The following SNAP47 variants were observed in gnomAD, a reference collection of about 807,000 sequenced individuals.
The protein encoded by SNAP47 is synaptosomal-associated protein 47.
Under a neutral mutation model 31.4 loss-of-function variants are expected in SNAP47, and 20 were observed. The ratio of observed to expected loss-of-function variants is 0.64; its 90% CI spans 0.45 to 0.93. SNAP47 has a LOEUF of 0.93. SNAP47 is among the 40% of genes least tolerant of loss of function. SNAP47 has a pLI of 0.00. For synonymous variants in SNAP47, 194 were observed against 213.4 expected, an observed-to-expected ratio of 0.91 and a Z score of 0.79; for missense variants, 492 against 528.5, an observed-to-expected ratio of 0.93 and a Z score of 0.68.
At chr1:227,764,593 C>T (rs1299864318) in intron 3 of SNAP47, among the ~76,000 whole-genome samples, 1 of 150,510 alleles carries the variant, frequency 6.6e-6, no homozygotes, top group Non-Finnish European at 1.5e-5. Flanking sequence ...CATATTAAGA[C>T]CCCCGTCTCT....
upstream of SNAP47, chr1:227,733,984 G>C (rs928570981): frequency 1.2e-6 from 2 of 1,613,900 alleles, no homozygotes; most frequent in Non-Finnish European, 1.7e-6. Flanking sequence ...TCAGCCAGTC[G>C]GACGAGAAGT....
rs762098230 is a variant in SNAP47 at position 227,759,059 on chromosome 1, C to G, written c.562C>G (p.Pro188Ala). The change falls in exon 3 of 5, where the codon CCG becomes GCG. Residue 188 changes from proline (P) to alanine (A), a missense_variant. Pro to Ala is a conservative substitution (Grantham distance 27, BLOSUM62 -1). Transcript: ENST00000617596. The stretch of plus-strand genomic sequence containing the variant: ...TAGCTCCAAGCTTTGGAAGACACCA[C>G]CGGAAACAAAGCCCAGGGAAGATGT... Reference protein sequence around the residue: ...PFSSKLWKTPPETKPREDVSM... With the variant: ...PFSSKLWKTPAETKPREDVSM... The G allele has an allele frequency of 8.1e-6, 13 of 1,613,906 alleles. No individual in the cohort carries two copies. The South Asian group carries it at 1.4e-4, about 18-fold the overall frequency.
chr1:227,748,264 C>G, intron 2 of SNAP47, 31 bp downstream of exon 2: 1 of 1,518,958 alleles, frequency 6.6e-7, no homozygotes, highest in Non-Finnish European at 8.8e-7. Context: ...TTGCAAGGCA[C>G]ACACAGAGTA....
upstream of SNAP47, chr1:227,732,987 A>T (rs1168908496): frequency 6.2e-7 from 1 of 1,613,508 alleles, no homozygotes; most frequent in Non-Finnish European, 8.5e-7. Context: ...GGCCAGGTTG[A>T]AGCCATTGAC....
rs190896380 is a variant in SNAP47 at position 227,772,285 on chromosome 1, A to G, written c.1113+5202A>G. ...TTCAGTGGAGTTAATGAAATTCACC[A>G]CCATCATCCTGCACAGAAACAGTTT... is the stretch of plus-strand genomic sequence containing the variant. On this transcript the variant is annotated intron_variant, in intron 4 of 4. Coordinates refer to ENST00000617596, the MANE Select transcript of SNAP47 (RefSeq NM_053052.4). Among the ~76,000 whole-genome samples the G allele has an allele frequency of 7.2e-4, 109 of 152,204 alleles. 1 individual carries two copies. In the East Asian group the frequency reaches 0.02, roughly 28 times the overall value.
upstream of SNAP47, chr1:227,735,300 T>C (rs982656227): frequency 6.2e-7 from 1 of 1,604,524 alleles, no homozygotes; most frequent in East Asian, 2.2e-5. Context: ...CGAAGGACCC[T>C]CCTCCTCACT....
upstream of SNAP47, chr1:227,732,415 C>T: frequency 6.2e-7 from 1 of 1,612,916 alleles, no homozygotes. Context: ...GCAGCATCAA[C>T]AGCCTCTCTC....
upstream of SNAP47, chr1:227,732,753 T>A: frequency 6.3e-7 from 1 of 1,591,502 alleles, no homozygotes; most frequent in Non-Finnish European, 8.5e-7. Flanking sequence ...ATGCGCCCAG[T>A]CCCCAAGGAC....
intron 4 of SNAP47, among the ~76,000 whole-genome samples, chr1:227,773,127 A>ATTTTTTTT (rs34140624): frequency 7.8e-5 from 8 of 102,378 alleles, no homozygotes; most frequent in East Asian, 3.0e-4. Flanking sequence ...CGTCCAGCTA[A>ATTTTTTTT]TTTTTTTTTT....
intron 2 of SNAP47, among the ~76,000 whole-genome samples, chr1:227,748,967 G>A (rs1384137164): frequency 2.6e-5 from 4 of 152,064 alleles, no homozygotes; most frequent in East Asian, 1.9e-4. Flanking sequence ...TACTCCTTTC[G>A]TATTTGGCTT....
rs534166007 is a variant in SNAP47 at position 227,766,124 on chromosome 1, G to A, written c.989-835G>A. 5.3e-5 allele frequency among the ~76,000 whole-genome samples: 8 copies of A among 152,272 alleles called. No individual in the cohort carries two copies. In the South Asian group the frequency reaches 1.7e-3, roughly 32 times the overall value. On this transcript the variant is annotated intron_variant, in intron 3 of 4. Coordinates refer to ENST00000617596, the MANE Select transcript of SNAP47 (RefSeq NM_053052.4). ...GATTGAGGAGGGTACGGGCTCTGCTGGCTGAGGTAGGAACCTGGGAGGGAT... is the reference window on the plus strand; with the variant it reads ...GATTGAGGAGGGTACGGGCTCTGCTAGCTGAGGTAGGAACCTGGGAGGGAT...
intron 1 of SNAP47, among the ~76,000 whole-genome samples, chr1:227,742,154 A>G (rs1417240120): frequency 6.6e-6 from 1 of 151,934 alleles, no homozygotes; most frequent in African/African-American, 2.4e-5. Context: ...AGCATTAGGT[A>G]TATCTCCTAA....
rs764938533 is a variant in SNAP47, at chr1:227,780,570, A to C, written c.1157A>C (p.Glu386Ala). 7 of 1,614,074 alleles carry C rather than the reference A, an allele frequency of 4.3e-6. No individual in the cohort carries two copies. In the South Asian group the frequency reaches 5.5e-5, roughly 13 times the overall value. Residue 386 changes from glutamate to alanine, a missense_variant, in exon 5 of 5, where the codon GAG becomes GCG. Transcript: ENST00000617596. ...GGGCTGGCCCTGGAGGCCGAGAGTG[A>C]GCTGGAGAGACAAGACGAAGCCCTG... is the stretch of plus-strand genomic sequence containing the variant. The part of the protein sequence containing the change: ...MKGLALEAES[E>A]LERQDEALDG...
intron 2 of SNAP47, among the ~76,000 whole-genome samples, chr1:227,749,284 G>A (rs1174201416): frequency 1.3e-5 from 2 of 152,032 alleles, no homozygotes; most frequent in Non-Finnish European, 2.9e-5. Context: ...TCAGTTCCTC[G>A]TCCTGGGGTC....
upstream of SNAP47, chr1:227,730,957 G>C (rs1038821018): frequency 6.6e-6 from 1 of 152,270 alleles, no homozygotes; most frequent in African/African-American, 2.4e-5. Flanking sequence ...GGTTACCGGA[G>C]GGGCTAAATG....
chr1:227,734,677 G>C (rs1269433251), upstream of SNAP47: 3 of 1,614,138 alleles, frequency 1.9e-6, no homozygotes, highest in Non-Finnish European at 8.5e-7. Context: ...CTTTGAGGTA[G>C]AGACAGCCCC....
At chr1:227,772,128 C>T (rs757750072) in intron 4 of SNAP47, among the ~76,000 whole-genome samples, 5 of 152,158 alleles carry the variant, frequency 3.3e-5, no homozygotes, top group Admixed American at 6.5e-5. Flanking sequence ...TGCTGGGTGT[C>T]ATGGAGGCCC....
chr1:227,733,329 G>A, upstream of SNAP47: 1 of 1,419,942 alleles, frequency 7.0e-7, no homozygotes, highest in Admixed American at 2.4e-5. Flanking sequence ...TTCCAGCCCA[G>A]CTCTGGCTGG....
rs1662082345 is a variant in SNAP47, at chr1:227,747,973, G to T, written c.237G>T (p.Trp79Cys). The change falls in exon 2 of 5, where the codon TGG becomes TGT. Residue 79 changes from tryptophan to cysteine, a missense_variant. Physicochemically the swap from Trp to Cys is radical, Grantham distance 215. Transcript: ENST00000617596. ...TILEKGHAKHWFSSLRPSRNV... is the reference protein window; with the variant it reads ...TILEKGHAKHCFSSLRPSRNV... ...TGGAGAAGGGCCATGCCAAGCACTGGTTCAGCTCCCTGCGGCCAAGTCGAA... is the reference window on the plus strand; with the variant it reads ...TGGAGAAGGGCCATGCCAAGCACTGTTTCAGCTCCCTGCGGCCAAGTCGAA... The T allele has an allele frequency of 1.2e-6, 2 of 1,614,208 alleles. No homozygotes were observed. The highest frequency in any genetic ancestry group is 1.7e-6 in the Non-Finnish European group (2 of 1,180,042).
Sources: gnomAD v4.1 joint callset for allele counts (sites outside exome capture counted in the v4.1 genomes callset) on GRCh38, gnomAD v4.1.1 for gene constraint, MANE v1.5 for transcripts, NCBI Gene and HGNC (gene_info 2026-07-23, HGNC 2026-07-21) for gene names.